Variants in HAVCR1 observed in about 807,000 individuals in gnomAD.
HAVCR1 encodes T cell immunoglobin domain and mucin domain protein 1.
In HAVCR1, 34 loss-of-function variants were observed where a neutral mutation model predicts 32.0. The observed-to-expected ratio is 1.06, with a 90% confidence interval of 0.81 to 1.42. The LOEUF (loss-of-function observed/expected upper bound fraction) is 1.42, where lower values mean the gene tolerates loss of function less well. Among genes scored for constraint, HAVCR1 ranks in the 40% most tolerant of loss-of-function variants. The pLI is 0.00. For synonymous variants in HAVCR1, 178 were observed against 170.3 expected (o/e 1.05, Z -0.35); for missense variants, 420 against 442.3 (o/e 0.95, Z 0.45).
the HAVCR1 span, among the ~76,000 whole-genome samples, chr5:157,065,609 C>T: frequency 1.3e-5 from 2 of 152,120 alleles, no homozygotes; most frequent in Non-Finnish European, 2.9e-5. Flanking sequence ...AGTCTTAGCA[C>T]TTTAGGAGAC....
At chr5:157,053,547 G>A (rs1755904324) in intron 3 of HAVCR1, among the ~76,000 whole-genome samples, 1 of 152,014 alleles carries the variant, frequency 6.6e-6, no homozygotes, top group Admixed American at 6.6e-5. Flanking sequence ...TATTATCATT[G>A]TAAGACCTTA....
intron 7 of HAVCR1, among the ~76,000 whole-genome samples, chr5:157,035,598 A>C (rs1754478239): frequency 6.6e-6 from 1 of 152,090 alleles, no homozygotes; most frequent in Non-Finnish European, 1.5e-5. Flanking sequence ...GAGTGTTGCA[A>C]AATTTTAACA....
At chr5:157,029,882 A>G in intron 8 of HAVCR1, 41 bp from the exon 9 acceptor site, 2 of 1,567,620 alleles carry the variant, frequency 1.3e-6, no homozygotes, top group East Asian at 4.5e-5. Context: ...AGTAAGAAAA[A>G]AAGCAGACCA....
At chr5:157,031,134 A>G (rs1754147748) in intron 8 of HAVCR1, among the ~76,000 whole-genome samples, 1 of 152,174 alleles carries the variant, frequency 6.6e-6, no homozygotes, top group African/African-American at 2.4e-5. Flanking sequence ...ATGTCACTCA[A>G]CATTTCTGAA....
At chr5:157,048,601 C>T (rs1280655281) in intron 5 of HAVCR1, among the ~76,000 whole-genome samples, 10 of 152,204 alleles carry the variant, frequency 6.6e-5, no homozygotes, top group South Asian at 2.1e-4. Context: ...GAGGTGGAGG[C>T]GGGCAGATCA....
chr5:157,065,120 C>T, the HAVCR1 span, among the ~76,000 whole-genome samples: 1 of 152,130 alleles, frequency 6.6e-6, no homozygotes, highest in East Asian at 1.9e-4. Context: ...GAGATCGAGA[C>T]TGTGCTGGGT....
At chr5:157,056,671 C>G (rs549743713) in intron 2 of HAVCR1, among the ~76,000 whole-genome samples, 1 of 151,956 alleles carries the variant, frequency 6.6e-6, no homozygotes, top group Non-Finnish European at 1.5e-5. Context: ...TGAGCCACCA[C>G]GCCCGGCCAC....
At chr5:157,064,391 T>G in the HAVCR1 span, among the ~76,000 whole-genome samples, 1 of 150,658 alleles carries the variant, frequency 6.6e-6, no homozygotes, top group East Asian at 2.0e-4. Context: ...CATGCTGGCA[T>G]GCAACTTGTA....
chr5:157,054,749 A>G (rs1003452105), intron 3 of HAVCR1, among the ~76,000 whole-genome samples: 2 of 152,240 alleles, frequency 1.3e-5, no homozygotes, highest in African/African-American at 2.4e-5. Context: ...GAACAAATAC[A>G]GACTTTTTTG....
At chr5:157,040,467 T>C (rs917738385) in intron 6 of HAVCR1, among the ~76,000 whole-genome samples, 41 of 152,398 alleles carry the variant, frequency 2.7e-4, no homozygotes, top group African/African-American at 9.6e-4. Flanking sequence ...AGTTGCTAAA[T>C]GTTTAAATGT....
At chr5:157,054,435 C>T (rs1233669530) in intron 3 of HAVCR1, among the ~76,000 whole-genome samples, 2 of 151,970 alleles carry the variant, frequency 1.3e-5, no homozygotes, top group Non-Finnish European at 2.9e-5. Context: ...ACCTGGGAGG[C>T]AGAGGGTTGC....
intron 5 of HAVCR1, among the ~76,000 whole-genome samples, chr5:157,048,746 C>G (rs897527016): frequency 6.6e-6 from 1 of 152,028 alleles, no homozygotes; most frequent in Non-Finnish European, 1.5e-5. Flanking sequence ...AGGAGAATGG[C>G]GTGAACCTGG....
At chr5:157,069,360 G>A in the HAVCR1 span, among the ~76,000 whole-genome samples, 4 of 152,136 alleles carry the variant, frequency 2.6e-5, no homozygotes, top group African/African-American at 7.2e-5. Flanking sequence ...CGCACTTACC[G>A]GTTAGTTAGA....
chr5:157,055,669 C>A, intron 2 of HAVCR1, 136 bp from the exon 3 acceptor site: 1 of 545,550 alleles, frequency 1.8e-6, no homozygotes, highest in Middle Eastern at 4.8e-4. Flanking sequence ...AGTTCAAGAC[C>A]AGCCTAGCCA....
intron 8 of HAVCR1, among the ~76,000 whole-genome samples, chr5:157,032,589 A>T (rs1340459065): frequency 1.3e-5 from 2 of 152,222 alleles, no homozygotes; most frequent in African/African-American, 4.8e-5. Context: ...ACTTCCATCG[A>T]GCAAATCTTG....
chr5:157,037,257 G>C lies in HAVCR1; in HGVS notation c.942C>G (p.Ile314Met). Residue 314 changes from isoleucine (I) to methionine (M), a missense_variant, in exon 7 of 9, where the codon ATC becomes ATG. Ile to Met is a conservative substitution (Grantham distance 10). Coordinates refer to ENST00000523175, the MANE Select transcript of HAVCR1 (RefSeq NM_001173393.3). Reference sequence around the variant, plus strand: ...CTCGAAATGACTTACTTTTGGCAATGATGACACCCAAAAGAGCAAGAAGCA... The same window carrying C: ...CTCGAAATGACTTACTTTTGGCAATCATGACACCCAAAAGAGCAAGAAGCA... ...VLVLLALLGV[I>M]IAKKYFFKKE... The C allele has an allele frequency of 6.4e-7, 1 of 1,562,756 alleles. No individual in the cohort carries two copies. Among genetic ancestry groups the C allele is most frequent in the Non-Finnish European group, 8.8e-7 (1 of 1,133,352 alleles).
intron 3 of HAVCR1, 31 bp downstream of exon 3, chr5:157,055,170 A>T: frequency 8.4e-7 from 1 of 1,183,724 alleles, no homozygotes; most frequent in Non-Finnish European, 1.2e-6. Context: ...AAATTCAATT[A>T]ACTAGCAAGA....
intron 5 of HAVCR1, among the ~76,000 whole-genome samples, chr5:157,044,150 G>A (rs1755082051): frequency 6.6e-6 from 1 of 151,832 alleles, no homozygotes; most frequent in Admixed American, 6.6e-5. Flanking sequence ...TGGCCAATGT[G>A]GTGAAACCCC....
At chr5:157,029,870 T>A (rs368598624) in intron 8 of HAVCR1, 29 bp from the exon 9 acceptor site, 1 of 1,596,496 alleles carries the variant, frequency 6.3e-7, no homozygotes, top group Non-Finnish European at 8.6e-7. Context: ...AAGAATAACA[T>A]GAGTAAGAAA....
Sources: gnomAD v4.1 joint callset for allele counts (sites outside exome capture counted in the v4.1 genomes callset) on GRCh38, gnomAD v4.1.1 for gene constraint, MANE v1.5 for transcripts, NCBI Gene and HGNC (gene_info 2026-07-23, HGNC 2026-07-21) for gene names.